Variants in CCDC102B observed in about 807,000 individuals in gnomAD.
CCDC102B encodes the protein coiled-coil domain containing 102B, also known as coiled-coil domain-containing protein 102B.
CCDC102B carries 75 observed loss-of-function variants against 57.4 expected under a neutral mutation model. That is an observed-to-expected ratio of 1.31 (90% confidence interval 1.08 to 1.58). CCDC102B has a LOEUF of 1.58. Among genes scored for constraint, CCDC102B ranks in the 40% most tolerant of loss-of-function variants. The pLI, the probability that CCDC102B is intolerant of heterozygous loss-of-function variation, is 0.00. For missense variants in CCDC102B, 636 were observed against 582.6 expected, an observed-to-expected ratio of 1.09 and a Z score of -0.94; for synonymous variants, 206 against 201.9, an observed-to-expected ratio of 1.02 and a Z score of -0.17.
intron 1 of CCDC102B, among the ~76,000 whole-genome samples, chr18:68,798,661 C>A (rs2035723711): frequency 6.6e-6 from 1 of 152,016 alleles, no homozygotes; most frequent in African/African-American, 2.4e-5. Context: ...ATGCTAAATT[C>A]TTGTATTCGT....
intron 2 of CCDC102B, among the ~76,000 whole-genome samples, chr18:68,748,854 G>T (rs1178699867): frequency 6.6e-6 from 1 of 152,146 alleles, no homozygotes; most frequent in Non-Finnish European, 1.5e-5. Flanking sequence ...GCAATGTGTG[G>T]CAGAGAAAAG....
upstream of CCDC102B, among the ~76,000 whole-genome samples, chr18:68,797,091 T>TTC (rs2035656287): frequency 2.0e-5 from 3 of 152,024 alleles, no homozygotes; most frequent in Non-Finnish European, 2.9e-5. Context: ...CGTTCAAAGA[T>TTC]AGAGGAGAGA....
At chr18:68,744,105 A>G (rs2033519588) in intron 2 of CCDC102B, among the ~76,000 whole-genome samples, 1 of 152,196 alleles carries the variant, frequency 6.6e-6, no homozygotes, top group African/African-American at 2.4e-5. Context: ...GAATTTTATT[A>G]TCAGAACATG....
chr18:69,011,173 G>T, intron 7 of CCDC102B, 69 bp downstream of exon 7: 2 of 1,356,612 alleles, frequency 1.5e-6, no homozygotes, highest in South Asian at 1.6e-5. Context: ...TCTAAAGATT[G>T]TCTCCCTTAT....
At chr18:68,748,329 T>A (rs374650275) in intron 2 of CCDC102B, among the ~76,000 whole-genome samples, 2 of 149,946 alleles carry the variant, frequency 1.3e-5, no homozygotes, top group African/African-American at 4.9e-5. Context: ...TGAACTAGAG[T>A]TCCAGATACA....
intron 6 of CCDC102B, among the ~76,000 whole-genome samples, chr18:68,942,990 CTT>C (rs1187690159): frequency 7.5e-6 from 1 of 132,838 alleles, no homozygotes; most frequent in Non-Finnish European, 1.7e-5. Flanking sequence ...GTGGTGATGA[CTT>C]TTAACAAGCA....
At chr18:68,876,186 A>G (rs1232550125) in intron 5 of CCDC102B, among the ~76,000 whole-genome samples, 3 of 152,226 alleles carry the variant, frequency 2.0e-5, no homozygotes, top group Admixed American at 6.5e-5. Flanking sequence ...GAAAGCACAT[A>G]TAGATATTTA....
chr18:68,846,611 T>A (rs1382351810), intron 4 of CCDC102B, among the ~76,000 whole-genome samples, 190 bp downstream of exon 4: 1 of 151,686 alleles, frequency 6.6e-6, no homozygotes, highest in Non-Finnish European at 1.5e-5. Context: ...CTCTATGACA[T>A]CTTGTTTTTA....
chr18:68,955,949 T>C (rs2049833347), intron 6 of CCDC102B, among the ~76,000 whole-genome samples: 1 of 152,100 alleles, frequency 6.6e-6, no homozygotes, highest in Non-Finnish European at 1.5e-5. Flanking sequence ...TTTTAAAATG[T>C]GCAATAAATT....
chr18:68,832,123 A>G (rs889912827), intron 1 of CCDC102B, among the ~76,000 whole-genome samples: 1 of 152,186 alleles, frequency 6.6e-6, no homozygotes, highest in Non-Finnish European at 1.5e-5. Flanking sequence ...AAAAAATTCA[A>G]CAAAGGTTTC....
rs561616846 is a variant in CCDC102B at position 68,770,186 on chromosome 18, G to A, written c.-66-53180G>A. Reference sequence around the variant, plus strand: ...GACCATGTGAATATTTCACTAAGAGGTAAGAAATCTCTTGTTAAAGAAATC... The same window carrying A: ...GACCATGTGAATATTTCACTAAGAGATAAGAAATCTCTTGTTAAAGAAATC... On this transcript the variant is annotated intron_variant, in intron 2 of 3. Coordinates refer to the CCDC102B transcript ENST00000578970. 6.6e-5 allele frequency among the ~76,000 whole-genome samples: 10 copies of A among 152,198 alleles called. No homozygotes were observed. The East Asian group carries it at 1.5e-3, about 24-fold the overall frequency.
chr18:68,999,029 G>GAA, intron 6 of CCDC102B, among the ~76,000 whole-genome samples: 1 of 137,050 alleles, frequency 7.3e-6, no homozygotes, highest in African/African-American at 2.7e-5. Flanking sequence ...GAGAGAGAGA[G>GAA]AGAGAGAGTC....
At chr18:68,739,885 C>A (rs911477680) in intron 2 of CCDC102B, among the ~76,000 whole-genome samples, 1 of 152,216 alleles carries the variant, frequency 6.6e-6, no homozygotes, top group Admixed American at 6.5e-5. Context: ...AGCTGCAGAG[C>A]TTCCTTGTTG....
intron 2 of CCDC102B, among the ~76,000 whole-genome samples, chr18:68,744,749 A>G (rs963215941): frequency 9.9e-5 from 15 of 152,172 alleles, no homozygotes; most frequent in African/African-American, 3.6e-4. Flanking sequence ...GACCCCAGAG[A>G]TGGTGGAGCA....
At chr18:68,975,485 A>T (rs2050409967) in intron 6 of CCDC102B, among the ~76,000 whole-genome samples, 1 of 152,028 alleles carries the variant, frequency 6.6e-6, no homozygotes, top group Non-Finnish European at 1.5e-5. Flanking sequence ...TTTTCTAATC[A>T]TGTCTCCAAT....
chr18:69,028,299 A>G (rs770069829), intron 7 of CCDC102B, among the ~76,000 whole-genome samples: 4 of 152,180 alleles, frequency 2.6e-5, no homozygotes, highest in Non-Finnish European at 5.9e-5. Context: ...AGGCTAAAAT[A>G]TGAATGAAAG....
intron 1 of CCDC102B, among the ~76,000 whole-genome samples, chr18:68,807,095 C>T (rs953488896): frequency 2.0e-5 from 3 of 152,098 alleles, no homozygotes; most frequent in African/African-American, 7.2e-5. Flanking sequence ...GAGAATTTAC[C>T]TCACATTTTC....
At position 68,836,856 on chromosome 18, in the gene CCDC102B, A is replaced by C. The variant is rs485613; in HGVS notation, c.93A>C (p.Ala31=). ...TTAAGTCACGCGGCGACATGGTGGC[A>C]CCTGCCTCACCCCCCAGGGATACCT... The part of the protein sequence containing the change: ...SSIKSRGDMV[A]PASPPRDTCN... Residue 31 remains alanine (A), a synonymous_variant, in exon 2 of 8, where the codon GCA becomes GCC. Transcript: ENST00000360242. 0.99 allele frequency: 1,591,790 copies of C among 1,613,954 alleles called. 787,418 individuals carry two copies. Among genetic ancestry groups the C allele is most frequent in the East Asian group, 1 (44,848 of 44,848 alleles).
At chr18:68,985,799 A>G (rs1375057941) in intron 6 of CCDC102B, among the ~76,000 whole-genome samples, 1 of 152,138 alleles carries the variant, frequency 6.6e-6, no homozygotes, top group Non-Finnish European at 1.5e-5. Flanking sequence ...ATCTACCAGG[A>G]AGCTACTAGC....
Sources: allele counts gnomAD v4.1 joint callset (sites outside exome capture counted in the v4.1 genomes callset), GRCh38; gene constraint gnomAD v4.1.1; transcripts MANE v1.5; gene names NCBI Gene and HGNC (gene_info 2026-07-23, HGNC 2026-07-21).